THOC1: variants seen among roughly 807,000 people sequenced by gnomAD.
The protein encoded by THOC1 is THO complex subunit 1.
In THOC1, 29 loss-of-function variants were observed where a neutral mutation model predicts 97.3. That is an observed-to-expected ratio of 0.30 (90% confidence interval 0.22 to 0.41). The LOEUF (loss-of-function observed/expected upper bound fraction) is 0.41, where lower values mean the gene tolerates loss of function less well. Among genes scored for constraint, THOC1 ranks in the 10% least tolerant of loss-of-function variants. The probability of loss-of-function intolerance (pLI) is 1.00; values close to 1 mark genes in which losing one functional copy is unlikely to be tolerated. For synonymous variants in THOC1, 255 were observed against 257.0 expected (o/e 0.99, Z 0.07); for missense variants, 529 against 761.9 (o/e 0.69, Z 3.60).
At chr18:224,883 G>T in intron 15 of THOC1, 41 bp downstream of exon 15, 1 of 1,470,566 alleles carries the variant, frequency 6.8e-7, no homozygotes, top group Non-Finnish European at 9.3e-7. Context: ...CGTCGTTCTT[G>T]TGATGAGTAT....
chr18:222,496 T>C (rs1298408546), intron 17 of THOC1, among the ~76,000 whole-genome samples: 1 of 152,158 alleles, frequency 6.6e-6, no homozygotes, highest in Non-Finnish European at 1.5e-5. Context: ...TGAGAAAATA[T>C]AGTCATTGAA....
chr18:254,150 G>C lies in THOC1; in HGVS notation c.603+123C>G. On this transcript the variant is annotated intron_variant, in intron 8 of 20. Coordinates refer to ENST00000261600, the MANE Select transcript of THOC1 (RefSeq NM_005131.3). This position sits in a 1 kb window ranked among gnomAD's most constrained non-coding sequence, Gnocchi z 4.1. ...TGGTCTTGAACTCCTAGGCTCAAGC[G>C]ATCTGCCCACCTCAGCCTCCCAAAG... 1 of 681,298 alleles carries C rather than the reference G, an allele frequency of 1.5e-6. No homozygotes were observed. The highest frequency in any genetic ancestry group is 2.8e-5 in the East Asian group (1 of 35,114). 42.2% of individuals were successfully genotyped at this position (681,298 alleles called of 1,614,324 possible).
chr18:245,520 T>C (rs535092522), intron 11 of THOC1: 2 of 152,302 alleles, frequency 1.3e-5, no homozygotes, highest in Non-Finnish European at 2.9e-5. Flanking sequence ...TATAAAACCA[T>C]AGCCCTTGGC....
intron 19 of THOC1, chr18:215,724 C>G: frequency 2.1e-6 from 1 of 473,156 alleles, no homozygotes; most frequent in South Asian, 3.1e-5. Flanking sequence ...TGGAAAGACT[C>G]CCCACCCCCA....
Position 259,665 on chromosome 18 carries a change from A to G in THOC1, c.424+17T>C. ...TTTACACTTAAAAAGCAATCATTTT[A>G]TCACTCAATTACTTACCATTGCACA... On this transcript the variant is annotated intron_variant, in intron 6 of 20. Transcript: ENST00000261600. The G allele has an allele frequency of 6.5e-7, 1 of 1,527,760 alleles. No individual in the cohort carries two copies. The highest frequency in any genetic ancestry group is 2.4e-5 in the East Asian group (1 of 40,848). The allele number at this position is 1,527,760 out of a possible 1,614,324, so 94.6% of individuals were successfully genotyped here. A position where few individuals can be genotyped will look rare whatever the true frequency, so the allele number is the denominator to read the frequency against.
chr18:247,197 T>C lies in THOC1; in HGVS notation c.786+652A>G, dbSNP rs1211726222. On this transcript the variant is annotated intron_variant, in intron 10 of 20. Coordinates refer to ENST00000261600, the MANE Select transcript of THOC1 (RefSeq NM_005131.3). ...AAAATTGCATATAAAACAAAAACTA[T>C]TAAAAATAACATAACACACACCATG... 3.3e-5 allele frequency among the ~76,000 whole-genome samples: 5 copies of C among 152,304 alleles called. No individual in the cohort carries two copies. The East Asian group carries it at 5.8e-4, about 18-fold the overall frequency.
At chr18:215,697 T>TTTTTTAATGATAC in intron 19 of THOC1, 193 bp from the exon 20 acceptor site, 1 of 536,738 alleles carries the variant, frequency 1.9e-6, no homozygotes, top group South Asian at 2.3e-5. Context: ...GGAGTGAACT[T>TTTTTTAATGATAC]GGGAAGACCT....
At position 262,456 on chromosome 18, in the gene THOC1, C is replaced by T. The variant is rs116301965; in HGVS notation, c.256+1570G>A. On this transcript the variant is annotated intron_variant, in intron 4 of 20. Transcript: ENST00000261600. ...AAAAATTATCCCTAAAATAAAAATG[C>T]ACTATGCCTTTACAGTTTAAGCTCT... Among the ~76,000 whole-genome samples, 879 of 152,276 alleles carry T rather than the reference C, an allele frequency of 5.8e-3. 2 individuals carry two copies. Among genetic ancestry groups the T allele is most frequent in the African/African-American group, 0.02 (811 of 41,560 alleles).
chr18:241,832 C>A (rs1366956478), intron 11 of THOC1, among the ~76,000 whole-genome samples: 1 of 152,170 alleles, frequency 6.6e-6, no homozygotes, highest in African/African-American at 2.4e-5. Context: ...ATAAGTTGAA[C>A]AATTAGAGGT....
rs750401436 is a variant in THOC1, at chr18:267,988, G to C, written c.32C>G (p.Pro11Arg). Residue 11 changes from proline to arginine, a missense_variant, in exon 1 of 21, where the codon CCC becomes CGC. Physicochemically the swap from Pro to Arg is moderately radical, Grantham distance 103. This residue lies in a region of THOC1 where 114 missense variants were observed against 97.4 expected (regional missense o/e 1.17). Coordinates refer to ENST00000261600, the MANE Select transcript of THOC1 (RefSeq NM_005131.3). Reference protein sequence around the residue: MSPTPPLFSLPEARTRFTKST... With the variant: MSPTPPLFSLREARTRFTKST... ...CACCGTAAACCGCGTCCGCGCTTCGGGCAAACTGAAGAGCGGCGGCGTCGG... is the reference window on the plus strand; with the variant it reads ...CACCGTAAACCGCGTCCGCGCTTCGCGCAAACTGAAGAGCGGCGGCGTCGG... The C allele has an allele frequency of 2.5e-6, 4 of 1,611,604 alleles. No homozygotes were observed. In the African/African-American group the frequency reaches 5.3e-5, roughly 22 times the overall value.
rs555192370 is a variant in THOC1, at chr18:222,215, T to C, written c.1370+1225A>G. ...TGTCACTTTTATCAAGTTTACCTTT[T>C]AAAATAACCCTAAATAATAATTATT... On this transcript the variant is annotated intron_variant, in intron 17 of 20. Coordinates refer to ENST00000261600, the MANE Select transcript of THOC1 (RefSeq NM_005131.3). Among the ~76,000 whole-genome samples the C allele has an allele frequency of 8.6e-5, 13 of 152,026 alleles. 1 individual carries two copies. The South Asian group carries it at 2.5e-3, about 29-fold the overall frequency.
At position 216,640 on chromosome 18, in the gene THOC1, A is replaced by C. The variant is rs768564989; in HGVS notation, c.1455-7T>G. ...ATTTGAATTGTTCACAGCCCTATAA[A>C]AAGAGGTGTCAGGCTTGTAATTTAT... On this transcript the variant is annotated splice_polypyrimidine_tract_variant and splice_region_variant and intron_variant, in intron 18 of 20. Transcript: ENST00000261600. 1.9e-6 allele frequency: 3 copies of C among 1,609,190 alleles called. No individual in the cohort carries two copies. Among genetic ancestry groups the C allele is most frequent in the Non-Finnish European group, 2.5e-6 (3 of 1,177,856 alleles).
intron 4 of THOC1, among the ~76,000 whole-genome samples, chr18:262,309 A>C (rs1912628825): frequency 6.6e-6 from 1 of 152,226 alleles, no homozygotes; most frequent in South Asian, 2.1e-4. Context: ...GTATGCTTTA[A>C]CCAGTAGCAT....
At chr18:253,333 T>C (rs1360326040) in intron 8 of THOC1, among the ~76,000 whole-genome samples, 1 of 152,248 alleles carries the variant, frequency 6.6e-6, no homozygotes, top group Non-Finnish European at 1.5e-5. Context: ...TGCAATATTA[T>C]ACACTACTAG....
chr18:248,050 C>T, intron 9 of THOC1, 93 bp from the exon 10 acceptor site: 1 of 811,728 alleles, frequency 1.2e-6, no homozygotes, highest in Middle Eastern at 3.7e-4. Context: ...AAACCGTTTT[C>T]AGAAGCTAAT....
intron 3 of THOC1, among the ~76,000 whole-genome samples, chr18:264,686 T>C (rs1475536571): frequency 6.6e-6 from 1 of 152,248 alleles, no homozygotes; most frequent in African/African-American, 2.4e-5. Flanking sequence ...AGAATCATTT[T>C]TTAATCAGAC....
rs773604483 is a variant in THOC1, at chr18:218,973, A to C, written c.1371-4T>G. The C allele has an allele frequency of 3.1e-6, 5 of 1,593,336 alleles. No homozygotes were observed. In the African/African-American group the frequency reaches 6.7e-5, roughly 21 times the overall value. Reference sequence around the variant, plus strand: ...CTCCAAAGTGGGCATGTGTTCCCTGAGCGGTACAAAAATAACCAGTGAGGA... The same window carrying C: ...CTCCAAAGTGGGCATGTGTTCCCTGCGCGGTACAAAAATAACCAGTGAGGA... On this transcript the variant is annotated splice_region_variant and splice_polypyrimidine_tract_variant and intron_variant, in intron 17 of 20. Coordinates refer to ENST00000261600, the MANE Select transcript of THOC1 (RefSeq NM_005131.3).
intron 11 of THOC1, among the ~76,000 whole-genome samples, chr18:232,270 A>AT (rs1229720748): frequency 1.3e-5 from 2 of 151,910 alleles, no homozygotes; most frequent in Non-Finnish European, 2.9e-5. Context: ...TCATTTTAAA[A>AT]TTTTTTTGTA....
Position 247,861 on chromosome 18 carries a change from T to A in THOC1, c.774A>T (p.Lys258Asn), listed in dbSNP as rs1173878862. Reference sequence around the variant, plus strand: ...AATGGCAACTTACCTTGAGAAAAGTTTTCCATGAAATCTTCTCATAGCATT... The same window carrying A: ...AATGGCAACTTACCTTGAGAAAAGTATTCCATGAAATCTTCTCATAGCATT... ...PVQCYEKISW[K>N]TFLKYSEEVL... is the part of the protein sequence containing the mutation. Residue 258 changes from lysine to asparagine, a missense_variant, in exon 10 of 21, where the codon AAA (lysine) becomes AAT (asparagine). By Grantham distance (94) the Lys-to-Asn change is moderately conservative. Around this residue, in one of 8 missense-constraint regions of THOC1, gnomAD observed 92 missense variants for 127.0 expected, o/e 0.72. Coordinates refer to ENST00000261600, the MANE Select transcript of THOC1 (RefSeq NM_005131.3). The A allele has an allele frequency of 6.2e-7, 1 of 1,606,836 alleles. No individual in the cohort carries two copies. The highest frequency in any genetic ancestry group is 1.7e-5 in the Admixed American group (1 of 58,090).
Sources: gnomAD v4.1 joint callset for allele counts (sites outside exome capture counted in the v4.1 genomes callset) on GRCh38, gnomAD v4.1.1 for gene constraint, gnomAD v4.1.1 regional missense constraint, Gnocchi (gnomAD v3.1) non-coding constraint, MANE v1.5 for transcripts, NCBI Gene and HGNC (gene_info 2026-07-23, HGNC 2026-07-21) for gene names.